The following PCNX2 variants were observed in gnomAD, a reference collection of about 807,000 sequenced individuals.
PCNX2 encodes the protein pecanex-like protein 2.
PCNX2 carries 168 observed loss-of-function variants against 223.8 expected under a neutral mutation model. The ratio of observed to expected loss-of-function variants is 0.75; its 90% CI spans 0.66 to 0.85. The LOEUF is 0.85. Among genes scored for constraint, PCNX2 ranks in the 40% least tolerant of loss-of-function variants. The pLI is 0.00. For missense variants in PCNX2, 2,507 were observed against 2,675.5 expected (o/e 0.94, Z 1.39); for synonymous variants, 1,006 against 1,052.6 (o/e 0.96, Z 0.86).
At chr1:233,117,948 T>C (rs1392957313) in intron 21 of PCNX2, among the ~76,000 whole-genome samples, 1 of 148,106 alleles carries the variant, frequency 6.8e-6, no homozygotes, top group Non-Finnish European at 1.5e-5. Context: ...AGGCGGAGCT[T>C]GCAGTGAGCC....
chr1:233,005,432 C>T (rs1670246354), intron 28 of PCNX2, among the ~76,000 whole-genome samples: 1 of 152,158 alleles, frequency 6.6e-6, no homozygotes, highest in South Asian at 2.1e-4. Context: ...ACAGGAGCCT[C>T]TCTAAGAGGC....
intron 32 of PCNX2, among the ~76,000 whole-genome samples, chr1:232,994,254 T>C (rs1166217142): frequency 6.6e-6 from 1 of 152,210 alleles, no homozygotes; most frequent in Non-Finnish European, 1.5e-5. Context: ...GCCCAAGGCA[T>C]TGGAAGCCCA....
chr1:233,220,095 T>C (rs1558358312), intron 10 of PCNX2, among the ~76,000 whole-genome samples: 1 of 152,352 alleles, frequency 6.6e-6, no homozygotes, highest in East Asian at 1.9e-4. Flanking sequence ...CGTTCCTCCA[T>C]GTCTCTGTGG....
upstream of PCNX2, among the ~76,000 whole-genome samples, chr1:233,300,528 G>A (rs1387882345): frequency 2.6e-5 from 4 of 152,118 alleles, no homozygotes; most frequent in Admixed American, 2.6e-4. Flanking sequence ...GGGAGAGAAG[G>A]GCAATGACTC....
chr1:233,005,128 T>G (rs1353638568), intron 28 of PCNX2, among the ~76,000 whole-genome samples: 1 of 152,188 alleles, frequency 6.6e-6, no homozygotes, highest in Non-Finnish European at 1.5e-5. Flanking sequence ...AGGAGCTAAG[T>G]GCTAAAATGA....
chr1:233,045,773 G>A (rs940252793), intron 25 of PCNX2, among the ~76,000 whole-genome samples: 1 of 152,174 alleles, frequency 6.6e-6, no homozygotes, highest in Non-Finnish European at 1.5e-5. Flanking sequence ...CAGTTTCTGG[G>A]GGCAGCTGCG....
intron 1 of PCNX2, among the ~76,000 whole-genome samples, chr1:233,266,617 G>A (rs757793739): frequency 6.6e-5 from 10 of 152,138 alleles, no homozygotes; most frequent in Non-Finnish European, 1.3e-4. Flanking sequence ...GAAGGGATTC[G>A]CCATAGATGA....
chr1:233,066,313 T>C (rs1236245070), intron 23 of PCNX2, among the ~76,000 whole-genome samples: 2 of 152,194 alleles, frequency 1.3e-5, no homozygotes, highest in Non-Finnish European at 2.9e-5. Context: ...CACTGGACCA[T>C]GGGAAAGAAG....
intron 21 of PCNX2, among the ~76,000 whole-genome samples, chr1:233,133,284 G>T (rs111468760): frequency 0.013 from 1,992 of 152,222 alleles, 36 homozygotes; most frequent in African/African-American, 0.045. Context: ...AAGATTATAG[G>T]ATATAATGTT....
intron 12 of PCNX2, among the ~76,000 whole-genome samples, chr1:233,212,423 A>G (rs1470570132): frequency 6.6e-6 from 1 of 152,254 alleles, no homozygotes; most frequent in East Asian, 1.9e-4. Context: ...TAAAAATTGA[A>G]AAGAAATAGG....
At chr1:233,270,817 T>G (rs1660603098) in intron 1 of PCNX2, among the ~76,000 whole-genome samples, 2 of 152,092 alleles carry the variant, frequency 1.3e-5, no homozygotes, top group African/African-American at 4.8e-5. Context: ...TCTGGACCGT[T>G]AGGATGGTGC....
In PCNX2 at chr1:233,139,730, G is replaced by A. The variant is rs372486460; in HGVS notation, c.3643C>T (p.Arg1215Trp). ...TIDAFLISNH[R>W]RLGTHWDIFL... ...ACCACTTACTGGGTACCAAGTCTCC[G>A]GTGATTGCTTATTAAAAATGCATCA... Residue 1215 changes from arginine to tryptophan, a missense_variant, in exon 20 of 34, where the codon CGG (arginine) becomes TGG (tryptophan). Arg to Trp is a moderately radical substitution (Grantham distance 101). Transcript: ENST00000258229. The surrounding 1 kb of genome is among the most constrained non-coding windows in gnomAD (Gnocchi z 4.4). 7.4e-5 allele frequency: 118 copies of A among 1,603,852 alleles called. No individual in the cohort carries two copies. Among genetic ancestry groups the A allele is most frequent in the Admixed American group, 1.0e-4 (6 of 58,560 alleles).
the PCNX2 span, among the ~76,000 whole-genome samples, chr1:233,317,806 A>C: frequency 1.3e-5 from 2 of 152,358 alleles, no homozygotes; most frequent in Middle Eastern, 3.4e-3. Context: ...CATTAGCTCA[A>C]TGAATCCTCA....
rs532548219 is a variant in PCNX2 at position 233,200,763 on chromosome 1, T to G, written c.2864-499A>C. ...CAGGACAGGCACGGTGGCTCACACC[T>G]GTAATTCCAGCACTTTGGGAGGCCG... On this transcript the variant is annotated intron_variant, in intron 13 of 33. Transcript: ENST00000258229. Among the ~76,000 whole-genome samples the G allele has an allele frequency of 6.2e-4, 95 of 152,088 alleles. No individual in the cohort carries two copies. The South Asian group carries it at 0.018, about 29-fold the overall frequency.
chr1:233,097,267 G>T (rs1221631610), intron 21 of PCNX2, among the ~76,000 whole-genome samples: 3 of 151,190 alleles, frequency 2.0e-5, no homozygotes, highest in African/African-American at 7.3e-5. Context: ...GAGAATGGAA[G>T]AATGATAGGG....
intron 4 of PCNX2, among the ~76,000 whole-genome samples, chr1:233,260,146 C>G (rs1258304742): frequency 6.6e-6 from 1 of 152,126 alleles, no homozygotes; most frequent in Non-Finnish European, 1.5e-5. Flanking sequence ...AAGGAAAAAA[C>G]AGAATTCTTT....
At chr1:233,128,154 T>C (rs895826759) in intron 21 of PCNX2, among the ~76,000 whole-genome samples, 1 of 152,116 alleles carries the variant, frequency 6.6e-6, no homozygotes, top group Non-Finnish European at 1.5e-5. Context: ...TTAATTTTCA[T>C]CTCCTAAGTG....
the PCNX2 span, among the ~76,000 whole-genome samples, chr1:233,322,073 C>T: frequency 8.6e-4 from 131 of 152,300 alleles, no homozygotes; most frequent in Middle Eastern, 6.8e-3. Flanking sequence ...ATTCTTCTTT[C>T]AAGACCAGCA....
At chr1:233,046,248 G>A (rs1671819576) in intron 25 of PCNX2, among the ~76,000 whole-genome samples, 1 of 152,156 alleles carries the variant, frequency 6.6e-6, no homozygotes, top group African/African-American at 2.4e-5. Flanking sequence ...CCTCAGGTTG[G>A]GGTGAAGTAG....
Sources: gnomAD v4.1 joint callset for allele counts (sites outside exome capture counted in the v4.1 genomes callset) on GRCh38, gnomAD v4.1.1 for gene constraint, Gnocchi (gnomAD v3.1) non-coding constraint, MANE v1.5 for transcripts, NCBI Gene and HGNC (gene_info 2026-07-23, HGNC 2026-07-21) for gene names.